The following DPP6 variants were observed in gnomAD, a reference collection of about 807,000 sequenced individuals.
DPP6 encodes the protein dipeptidyl peptidase like 6.
DPP6 carries 69 observed loss-of-function variants against 122.6 expected under a neutral mutation model. That is an observed-to-expected ratio of 0.56 (90% CI 0.46 to 0.69). The LOEUF is 0.69. Ranked by LOEUF, DPP6 falls within the 30% of genes least tolerant of loss-of-function variation. DPP6 has a pLI of 0.00. For missense variants in DPP6, 928 were observed against 1,116.9 expected, an observed-to-expected ratio of 0.83 and a Z score of 2.41; for synonymous variants, 418 against 433.1, an observed-to-expected ratio of 0.97 and a Z score of 0.43.
At chr7:154,502,400 C>A (rs902126047) in intron 3 of DPP6, among the ~76,000 whole-genome samples, 1 of 152,110 alleles carries the variant, frequency 6.6e-6, no homozygotes, top group Admixed American at 6.6e-5. Context: ...AATTGTAATT[C>A]CCACAATCCC....
intron 1 of DPP6, among the ~76,000 whole-genome samples, chr7:154,011,795 C>T (rs1412550022): frequency 6.6e-6 from 1 of 152,134 alleles, no homozygotes; most frequent in African/African-American, 2.4e-5. Context: ...AAGCTTAGTT[C>T]TAGAAAGGGC....
intron 1 of DPP6, among the ~76,000 whole-genome samples, chr7:154,179,311 C>A (rs1030502901): frequency 6.6e-6 from 1 of 152,090 alleles, no homozygotes; most frequent in Non-Finnish European, 1.5e-5. Flanking sequence ...GAACAAAGGA[C>A]AAAATGAGAG....
chr7:154,660,421 T>A (rs1448534845), intron 6 of DPP6, among the ~76,000 whole-genome samples: 2 of 150,124 alleles, frequency 1.3e-5, no homozygotes, highest in Non-Finnish European at 2.9e-5. Context: ...CATATAGTCA[T>A]GGTGAATCAC....
chr7:154,892,243 C>T, intron 25 of DPP6, 91 bp from the exon 26 acceptor site: 1 of 1,561,376 alleles, frequency 6.4e-7, no homozygotes, highest in Admixed American at 1.8e-5. Flanking sequence ...GGACGGGGCC[C>T]AGGTTTCACT....
At chr7:153,845,416 CATT>C in the DPP6 span, among the ~76,000 whole-genome samples, 4 of 152,058 alleles carry the variant, frequency 2.6e-5, no homozygotes, top group South Asian at 2.1e-4. Flanking sequence ...TTTTGTCTGA[CATT>C]AATATACTGC....
intron 1 of DPP6, among the ~76,000 whole-genome samples, chr7:154,019,588 T>C (rs1318431514): frequency 6.6e-6 from 1 of 152,170 alleles, no homozygotes; most frequent in African/African-American, 2.4e-5. Context: ...TCTCCAGAGA[T>C]GTCTTATTAC....
At chr7:153,832,653 G>A in the DPP6 span, among the ~76,000 whole-genome samples, 12 of 137,664 alleles carry the variant, frequency 8.7e-5, no homozygotes, top group Non-Finnish European at 1.6e-4. Flanking sequence ...TCAAGAATGC[G>A]TGACCCAGAG....
At chr7:153,918,466 ACTCTCTCT>A (rs1202248132) in intron 1 of DPP6, among the ~76,000 whole-genome samples, 1 of 95,952 alleles carries the variant, frequency 1.0e-5, no homozygotes, top group African/African-American at 3.9e-5. Context: ...ACACACACAC[ACTCTCTCT>A]CTCTCTCTCT....
the DPP6 span, among the ~76,000 whole-genome samples, chr7:153,832,456 C>T: frequency 6.6e-6 from 1 of 152,220 alleles, no homozygotes; most frequent in Admixed American, 6.5e-5. Flanking sequence ...TCTGATGATA[C>T]AGATGTTTGC....
intron 1 of DPP6, among the ~76,000 whole-genome samples, chr7:154,414,083 C>G (rs1816827480): frequency 6.6e-6 from 1 of 152,158 alleles, no homozygotes; most frequent in Admixed American, 6.5e-5. Flanking sequence ...ATCTTAGACT[C>G]TATTGTGTTA....
chr7:154,247,078 C>T (rs1046979092), intron 1 of DPP6, among the ~76,000 whole-genome samples: 1 of 152,082 alleles, frequency 6.6e-6, no homozygotes, highest in Non-Finnish European at 1.5e-5. Context: ...TTTGGGGGGC[C>T]GAGGTCAGCG....
chr7:153,923,760 C>CAAAAA (rs1158548494), intron 1 of DPP6, among the ~76,000 whole-genome samples: 509 of 46,686 alleles, frequency 0.011, 26 homozygotes, highest in African/African-American at 0.037. Context: ...GACTCCATCT[C>CAAAAA]AAAAAAAAAA....
intron 16 of DPP6, among the ~76,000 whole-genome samples, chr7:154,835,249 C>T (rs1183067459): frequency 1.3e-5 from 2 of 152,118 alleles, no homozygotes; most frequent in Non-Finnish European, 2.9e-5. Context: ...GAGACAGACA[C>T]GGGAGGCAGA....
chr7:154,415,394 T>C (rs1477475994), intron 1 of DPP6, among the ~76,000 whole-genome samples: 1 of 152,162 alleles, frequency 6.6e-6, no homozygotes, highest in Non-Finnish European at 1.5e-5. Context: ...CTGTGTGGCT[T>C]TGGCTAAAGT....
At chr7:153,993,038 A>G (rs558542367) in intron 1 of DPP6, among the ~76,000 whole-genome samples, 1,344 of 152,160 alleles carry the variant, frequency 8.8e-3, no homozygotes, top group African/African-American at 0.013. Flanking sequence ...ATTCACACAC[A>G]TGCATCCAAA....
At chr7:154,011,145 C>G (rs1358836654) in intron 1 of DPP6, among the ~76,000 whole-genome samples, 1 of 152,186 alleles carries the variant, frequency 6.6e-6, no homozygotes, top group African/African-American at 2.4e-5. Context: ...TCTCCACTCT[C>G]CCAAGGAAGA....
intron 5 of DPP6, among the ~76,000 whole-genome samples, chr7:154,594,388 T>A (rs1398464028): frequency 6.6e-6 from 1 of 152,214 alleles, no homozygotes; most frequent in East Asian, 1.9e-4. Context: ...TACTCATTAC[T>A]GTATCCTCAG....
intron 1 of DPP6, among the ~76,000 whole-genome samples, chr7:154,044,974 C>G (rs1799949834): frequency 1.3e-5 from 2 of 152,054 alleles, no homozygotes; most frequent in African/African-American, 4.8e-5. Context: ...GGAAAAGGCT[C>G]TCTGCTAAGG....
At position 154,198,671 on chromosome 7, in the gene DPP6, G is replaced by C. The variant is rs1281220765; in HGVS notation, c.243+145608G>C. ...TCTAAGCATTATGCAACTCTGGTTAGATAATGAAGGTCATGATACACCTAG... is the reference window on the plus strand; with the variant it reads ...TCTAAGCATTATGCAACTCTGGTTACATAATGAAGGTCATGATACACCTAG... On this transcript the variant is annotated intron_variant, in intron 1 of 25. Transcript: ENST00000377770. 2.0e-5 allele frequency among the ~76,000 whole-genome samples: 3 copies of C among 152,178 alleles called. No homozygotes were observed. The East Asian group carries it at 5.8e-4, about 29-fold the overall frequency.
Sources: gnomAD v4.1 joint callset for allele counts (sites outside exome capture counted in the v4.1 genomes callset) on GRCh38, gnomAD v4.1.1 for gene constraint, MANE v1.5 for transcripts, NCBI Gene and HGNC (gene_info 2026-07-23, HGNC 2026-07-21) for gene names.